The following INPP1 variants were observed in gnomAD, a reference collection of about 807,000 sequenced individuals.
The protein encoded by INPP1 is inositol polyphosphate 1-phosphatase.
In INPP1, 18 loss-of-function variants were observed where a neutral mutation model predicts 23.0. The ratio of observed to expected loss-of-function variants is 0.78; its 90% confidence interval spans 0.54 to 1.16. INPP1 has a LOEUF of 1.16. INPP1 is among the 50% of genes most tolerant of loss of function. INPP1 has a pLI of 0.00. For missense variants in INPP1, 448 were observed against 482.1 expected (o/e 0.93, Z 0.66); for synonymous variants, 164 against 176.3 (o/e 0.93, Z 0.55).
chr2:190,350,983 A>G (rs1418183953), intron 2 of INPP1, among the ~76,000 whole-genome samples: 1 of 152,258 alleles, frequency 6.6e-6, no homozygotes, highest in African/African-American at 2.4e-5. Flanking sequence ...CTTTTATACA[A>G]ATATGGGCCT....
intron 6 of INPP1, 80 bp from the exon 7 acceptor site, chr2:190,370,764 G>C: frequency 1.1e-6 from 1 of 922,626 alleles, no homozygotes; most frequent in Non-Finnish European, 1.7e-6. Context: ...GTATTTCTTC[G>C]TATCATTAAG....
chr2:190,362,667 A>G lies in INPP1; in HGVS notation c.245A>G (p.Asn82Ser), dbSNP rs371885089. The change falls in exon 4 of 7, where the codon AAT becomes AGT. Residue 82 changes from asparagine to serine, a missense_variant. Asn to Ser is a conservative substitution (Grantham distance 46, BLOSUM62 1). Coordinates refer to ENST00000392329, the MANE Select transcript of INPP1 (RefSeq NM_001128928.2). ...LEKNIFGEES[N>S]EFTNDWGEKI... ...AAAAATATTTTTGGAGAAGAATCCA[A>G]TGAGTTTACTAATGACTGGGGTAAG... 4.4e-6 allele frequency: 7 copies of G among 1,603,318 alleles called. No individual in the cohort carries two copies. Among genetic ancestry groups the G allele is most frequent in the Non-Finnish European group, 4.3e-6 (5 of 1,172,010 alleles).
rs1310918306 is a variant in INPP1, at chr2:190,354,208, C to A, written c.-65+5177C>A. Among the ~76,000 whole-genome samples the A allele has an allele frequency of 6.6e-6, 1 of 152,200 alleles. No homozygotes were observed. Among genetic ancestry groups the A allele is most frequent in the Non-Finnish European group, 1.5e-5 (1 of 68,052 alleles). On this transcript the variant is annotated intron_variant, in intron 2 of 6. Transcript: ENST00000392329. The surrounding 1 kb of genome is among the most constrained non-coding windows in gnomAD (Gnocchi z 4.8). ...GAATAGCTTTTAGTGGGAACGACTG[C>A]CTCACAGATGTTTCTTATTGACGAC...
intron 2 of INPP1, 66 bp from the exon 3 acceptor site, chr2:190,359,964 TTGTTAGTAG>T (rs948208628): frequency 1.3e-6 from 1 of 741,266 alleles, no homozygotes; most frequent in Non-Finnish European, 2.2e-6. Flanking sequence ...GCCAAATGGG[TTGTTAGTAG>T]TGCCAGAGGC....
intron 6 of INPP1, among the ~76,000 whole-genome samples, chr2:190,369,499 C>T (rs993332193): frequency 1.3e-5 from 2 of 152,172 alleles, no homozygotes; most frequent in Admixed American, 6.5e-5. Context: ...AAAATTAATA[C>T]TATCCTGTAG....
chr2:190,357,194 A>G (rs1466750578), intron 2 of INPP1, among the ~76,000 whole-genome samples: 3 of 152,154 alleles, frequency 2.0e-5, no homozygotes, highest in African/African-American at 7.2e-5. Flanking sequence ...AGCTTTTTGC[A>G]TTATTACCGC....
In INPP1 at chr2:190,349,694, CTT is replaced by C. The variant is rs376746361; in HGVS notation, c.-65+664_-65+665del. Among the ~76,000 whole-genome samples, 843 of 152,156 alleles carry C rather than the reference CTT, an allele frequency of 5.5e-3. 4 individuals are homozygous for C. Among genetic ancestry groups the C allele is most frequent in the African/African-American group, 0.019 (774 of 41,496 alleles). On this transcript the variant is annotated intron_variant, in intron 2 of 6. Transcript: ENST00000392329. The stretch of plus-strand genomic sequence containing the variant: ...TGGCAACAGGGTTCTAAAAACATCT[CTT>C]AGCATACAAAAACTTAAGCATATAC...
At chr2:190,360,388 C>T (rs1689513053) in intron 3 of INPP1, 82 bp downstream of exon 3, 1 of 1,187,944 alleles carries the variant, frequency 8.4e-7, no homozygotes, top group African/African-American at 1.5e-5. Context: ...GCCTTTTGCT[C>T]CTCACCCCTA....
chr2:190,350,394 G>T (rs1366326122), intron 2 of INPP1, among the ~76,000 whole-genome samples: 1 of 151,464 alleles, frequency 6.6e-6, no homozygotes, highest in Non-Finnish European at 1.5e-5. Context: ...TGCACCTGTT[G>T]TTTCCTTAAA....
chr2:190,370,995 A>T lies in INPP1; in HGVS notation c.793A>T (p.Ser265Cys). Reference protein sequence around the residue: ...AFSPSFSAVISTSEKETIKAA... With the variant: ...AFSPSFSAVICTSEKETIKAA... ...CTCCCCCAGTTTTTCAGCCGTAATT[A>T]GTACAAGTGAAAAGGAGACTATCAA... Residue 265 changes from serine (S) to cysteine (C), a missense_variant, in exon 7 of 7, where the codon AGT becomes TGT. By Grantham distance (112) the Ser-to-Cys change is moderately radical (BLOSUM62 -1). Transcript: ENST00000392329. 6.2e-7 allele frequency: 1 copy of T among 1,614,240 alleles called. No homozygotes were observed.
Position 190,343,938 on chromosome 2 carries a change from G to T in INPP1, c.-232G>T. 1 of 221,002 alleles carries T rather than the reference G, an allele frequency of 4.5e-6. No homozygotes were observed. The allele number at this position is 221,002 out of a possible 1,614,324, so 13.7% of individuals were successfully genotyped here. On this transcript the variant is annotated 5_prime_UTR_variant, in exon 1 of 7. Transcript: ENST00000392329. ...CTCGAGGGAAAGGCTGCTGCCTCCT[G>T]CTCTGTCCTCATCCCCGGCTTAGGT...
At position 190,360,070 on chromosome 2, in the gene INPP1, C is replaced by G; in HGVS notation, c.-33C>G. Reference sequence around the variant, plus strand: ...GCCCAGAGGGTGGGTGCCAATTCCACCAGCAGCTGCAACTGAAAAGCAAGG... The same window carrying G: ...GCCCAGAGGGTGGGTGCCAATTCCAGCAGCAGCTGCAACTGAAAAGCAAGG... On this transcript the variant is annotated 5_prime_UTR_variant, in exon 3 of 7. Coordinates refer to ENST00000392329, the MANE Select transcript of INPP1 (RefSeq NM_001128928.2). 1 of 1,605,922 alleles carries G rather than the reference C, an allele frequency of 6.2e-7. No individual in the cohort carries two copies. Among genetic ancestry groups the G allele is most frequent in the Non-Finnish European group, 8.5e-7 (1 of 1,174,560 alleles).
intron 2 of INPP1, among the ~76,000 whole-genome samples, chr2:190,353,821 G>A (rs966107693): frequency 6.6e-6 from 1 of 152,184 alleles, no homozygotes; most frequent in Non-Finnish European, 1.5e-5. Context: ...ATTCAGATAG[G>A]ATTTTTAAAC....
rs116500971 is a variant in INPP1, at chr2:190,354,571, A to G, written c.-64-5468A>G. On this transcript the variant is annotated intron_variant, in intron 2 of 6. Coordinates refer to ENST00000392329, the MANE Select transcript of INPP1 (RefSeq NM_001128928.2). This position sits in a 1 kb window ranked among gnomAD's most constrained non-coding sequence, Gnocchi z 4.8. Reference sequence around the variant, plus strand: ...GATGGAAAGGCCAGGTGAGGCCACAATGAGAGGGGCCGTCTGTGAGCCAAG... The same window carrying G: ...GATGGAAAGGCCAGGTGAGGCCACAGTGAGAGGGGCCGTCTGTGAGCCAAG... Among the ~76,000 whole-genome samples the G allele has an allele frequency of 0.012, 1,893 of 152,340 alleles. 33 individuals carry two copies. Among genetic ancestry groups the G allele is most frequent in the African/African-American group, 0.042 (1,730 of 41,576 alleles).
At chr2:190,358,607 T>C (rs931198196) in intron 2 of INPP1, among the ~76,000 whole-genome samples, 5 of 152,218 alleles carry the variant, frequency 3.3e-5, no homozygotes, top group African/African-American at 1.2e-4. Flanking sequence ...AGCCTTGCAG[T>C]TTAGCCTTCT....
intron 4 of INPP1, 97 bp from the exon 5 acceptor site, chr2:190,366,576 TCTCTCTCTGTCTCTCTCTCTCG>T (rs1320200272): frequency 8.0e-6 from 6 of 752,042 alleles, no homozygotes; most frequent in Non-Finnish European, 1.1e-5. Flanking sequence ...TGTCTCTCGC[TCTCTCTCTGTCTCTCTCTCTCG>T]CTCTCTCTGT....
chr2:190,353,037 A>T (rs770510576), intron 2 of INPP1, among the ~76,000 whole-genome samples: 1 of 152,224 alleles, frequency 6.6e-6, no homozygotes, highest in Non-Finnish European at 1.5e-5. Context: ...CTGCCGGAAG[A>T]GGGAAATGTC....
intron 2 of INPP1, among the ~76,000 whole-genome samples, chr2:190,350,172 A>T (rs1035660409): frequency 1.3e-5 from 2 of 152,230 alleles, no homozygotes; most frequent in African/African-American, 4.8e-5. Flanking sequence ...TAAATGGAAT[A>T]CTTTTTCACA....
At position 190,354,554 on chromosome 2, in the gene INPP1, G is replaced by A. The variant is rs995440872; in HGVS notation, c.-64-5485G>A. ...CAGAGATTAACGCCCACGATGGAAA[G>A]GCCAGGTGAGGCCACAATGAGAGGG... On this transcript the variant is annotated intron_variant, in intron 2 of 6. Transcript: ENST00000392329. This position sits in a 1 kb window ranked among gnomAD's most constrained non-coding sequence, Gnocchi z 4.8. Among the ~76,000 whole-genome samples, 6 of 152,226 alleles carry A rather than the reference G, an allele frequency of 3.9e-5. No homozygotes were observed. The highest frequency in any genetic ancestry group is 2.0e-4 in the Admixed American group (3 of 15,290).
Sources: gnomAD v4.1 joint callset for allele counts (sites outside exome capture counted in the v4.1 genomes callset) on GRCh38, gnomAD v4.1.1 for gene constraint, Gnocchi (gnomAD v3.1) non-coding constraint, MANE v1.5 for transcripts, NCBI Gene and HGNC (gene_info 2026-07-23, HGNC 2026-07-21) for gene names.